Variants in INF2 observed in about 807,000 individuals in gnomAD.
The protein encoded by INF2 is inverted formin 2, also known as inverted formin-2.
A neutral mutation model predicts 123.5 loss-of-function variants in INF2; 43 were observed. The ratio of observed to expected loss-of-function variants is 0.35; its 90% CI spans 0.27 to 0.45. The LOEUF (loss-of-function observed/expected upper bound fraction) is 0.45. INF2 is among the 20% of genes least tolerant of loss of function. The pLI, the probability that INF2 is intolerant of heterozygous loss-of-function variation, is 1.00. For synonymous variants in INF2, 851 were observed against 745.0 expected (o/e 1.14, Z -2.32); for missense variants, 1,453 against 1,682.7 (o/e 0.86, Z 2.39).
At position 104,710,972 on chromosome 14, in the gene INF2, C is replaced by T; in HGVS notation, c.2275C>T (p.Gln759Ter). The change falls in exon 14 of 23, where the codon CAG becomes TAG. Residue 759 changes from glutamine to a stop codon, truncating the protein, a stop_gained. Transcript: ENST00000392634. LOFTEE classifies it high-confidence loss of function. The stretch of plus-strand genomic sequence containing the variant: ...CAGCCGCCAGCTGCCCATCTTCTGC[C>T]AGCTGATCCTGAGAATTGGGAACTT... The part of the protein sequence containing the change: ...LTSRQLPIFC[Q>*]LILRIGNFLN... The T allele has an allele frequency of 6.2e-7, 1 of 1,612,284 alleles. No homozygotes were observed. The highest frequency in any genetic ancestry group is 8.5e-7 in the Non-Finnish European group (1 of 1,179,742).
Position 104,721,476 on chromosome 14 carries a change from T to C in INF2, c.*2683T>C. 1 of 154,678 alleles carries C rather than the reference T, an allele frequency of 6.5e-6. No homozygotes were observed. The highest frequency in any genetic ancestry group is 1.9e-4 in the South Asian group (1 of 5,392). The allele number at this position is 154,678 out of a possible 1,614,324, so 9.6% of individuals were successfully genotyped here. A position where few individuals can be genotyped will look rare whatever the true frequency, so the allele number is the denominator to read the frequency against. Reference sequence around the variant, plus strand: ...GCTGCGAGTTTTCGTTGCTCTGGGGTAGATTCGTAGCGGAGGAACAACTGG... The same window carrying C: ...GCTGCGAGTTTTCGTTGCTCTGGGGCAGATTCGTAGCGGAGGAACAACTGG... On this transcript the variant is annotated 3_prime_UTR_variant, in exon 23 of 23. Transcript: ENST00000392634.
rs866939667 is a variant in INF2, at chr14:104,721,360, G to A, written c.*2567G>A. 10 of 148,440 alleles carry A rather than the reference G, an allele frequency of 6.7e-5. No homozygotes were observed. The South Asian group carries it at 9.3e-4, about 14-fold the overall frequency. 9.2% of individuals were successfully genotyped at this position (148,440 alleles called of 1,614,324 possible). Reference sequence around the variant, plus strand: ...TCCTCGTGTGGATGCTGCTGTGGACGTCTGCGTAGTCTCGTGTGGATGCTG... The same window carrying A: ...TCCTCGTGTGGATGCTGCTGTGGACATCTGCGTAGTCTCGTGTGGATGCTG... On this transcript the variant is annotated 3_prime_UTR_variant, in exon 23 of 23. Coordinates refer to ENST00000392634, the MANE Select transcript of INF2 (RefSeq NM_022489.4).
At chr14:104,689,594 G>T, upstream of INF2, 1 of 251,138 alleles carries the variant, frequency 4.0e-6, no homozygotes, top group Non-Finnish European at 5.5e-6. Context: ...TCTTCCTCCC[G>T]CCCGCCCCGC....
At chr14:104,710,014 C>T in intron 12 of INF2, 74 bp from the exon 13 acceptor site, 2 of 1,277,420 alleles carry the variant, frequency 1.6e-6, no homozygotes, top group Non-Finnish European at 2.2e-6. Context: ...AAGCCAGAGC[C>T]CTGTGCTGAG....
At chr14:104,708,251 T>G (rs1278648446) in intron 8 of INF2, 185 bp from the exon 9 acceptor site, 28 of 889,266 alleles carry the variant, frequency 3.1e-5, no homozygotes, top group Non-Finnish European at 4.7e-5. Context: ...GGTGCCATGG[T>G]GCCCTGGGGC....
In INF2 at chr14:104,694,513, G is replaced by A. The variant is rs376713769; in HGVS notation, c.-10+4774G>A. Among the ~76,000 whole-genome samples the A allele has an allele frequency of 3.3e-4, 50 of 152,342 alleles. 3 individuals carry two copies. Among genetic ancestry groups the A allele is most frequent in the Admixed American group, 2.8e-3 (43 of 15,300 alleles). ...GAGTGGGAAGGCGGGCGGTCAGTGC[G>A]TGGTTATGCACTGGCATTACAGGTG... On this transcript the variant is annotated intron_variant, in intron 1 of 22. Coordinates refer to ENST00000392634, the MANE Select transcript of INF2 (RefSeq NM_022489.4).
At chr14:104,689,609 C>T, upstream of INF2, 1 of 854,186 alleles carries the variant, frequency 1.2e-6, no homozygotes, top group Non-Finnish European at 1.4e-6. Flanking sequence ...CCCCGCCCGC[C>T]CCGCGCCCGC....
At chr14:104,708,180 C>G (rs1889875440) in intron 8 of INF2, 178 bp downstream of exon 8, 1 of 1,064,382 alleles carries the variant, frequency 9.4e-7, no homozygotes, top group Non-Finnish European at 1.4e-6. Context: ...GGGGGAGGAG[C>G]AGGGCAGGGG....
At chr14:104,694,818 T>C (rs756606637) in intron 1 of INF2, among the ~76,000 whole-genome samples, 4 of 152,074 alleles carry the variant, frequency 2.6e-5, no homozygotes, top group African/African-American at 4.8e-5. Flanking sequence ...GCAGGGACCA[T>C]GGAGCCTGGC....
chr14:104,697,418 G>A (rs1595158151), intron 1 of INF2, among the ~76,000 whole-genome samples: 3 of 152,220 alleles, frequency 2.0e-5, no homozygotes, highest in Middle Eastern at 3.2e-3. Context: ...TCCACAGCTC[G>A]GTGCTGGGCC....
intron 1 of INF2, among the ~76,000 whole-genome samples, chr14:104,696,087 C>G (rs1263144003): frequency 6.6e-6 from 1 of 152,198 alleles, no homozygotes; most frequent in Non-Finnish European, 1.5e-5. Context: ...AATCCGTCAC[C>G]ATGCGGCCTG....
chr14:104,692,395 G>A (rs932126435), intron 1 of INF2, among the ~76,000 whole-genome samples: 8 of 152,206 alleles, frequency 5.3e-5, no homozygotes, highest in African/African-American at 1.9e-4. Flanking sequence ...CGCTCAGCAC[G>A]GTGCCAGGCA....
At chr14:104,709,001 C>T (rs1316576939) in intron 10 of INF2, among the ~76,000 whole-genome samples, 1 of 152,220 alleles carries the variant, frequency 6.6e-6, no homozygotes, top group African/African-American at 2.4e-5. Context: ...CCCCCGAGTC[C>T]TTTCCTGCTG....
Position 104,718,792 on chromosome 14 carries a change from C to T in INF2, c.*2-3C>T, listed in dbSNP as rs1890439518. The T allele has an allele frequency of 1.2e-6, 2 of 1,613,036 alleles. No individual in the cohort carries two copies. The highest frequency in any genetic ancestry group is 4.5e-5 in the East Asian group (2 of 44,874). On this transcript the variant is annotated splice_region_variant and splice_polypyrimidine_tract_variant and intron_variant, in intron 22 of 22. Transcript: ENST00000392634. ...ATAATGTCATTTTTTCTCTCTCTTA[C>T]AGGCCTCAGGCCCAGGCCCAAGGCC...
intron 1 of INF2, among the ~76,000 whole-genome samples, chr14:104,698,282 G>C (rs932055310): frequency 1.3e-5 from 2 of 152,228 alleles, no homozygotes; most frequent in African/African-American, 4.8e-5. Flanking sequence ...CCGTGCCCCT[G>C]AGATCAGTAA....
intron 1 of INF2, among the ~76,000 whole-genome samples, chr14:104,691,569 C>T (rs1313815174): frequency 3.9e-5 from 6 of 152,206 alleles, no homozygotes; most frequent in Admixed American, 6.5e-5. Context: ...GGCACACCCA[C>T]CTCTGTTTTC....
rs1407969958 is a variant in INF2 at position 104,714,211 on chromosome 14, A to C, written c.3049A>C (p.Ser1017Arg). The C allele has an allele frequency of 1.3e-6, 2 of 1,532,078 alleles. No homozygotes were observed. The highest frequency in any genetic ancestry group is 1.8e-6 in the Non-Finnish European group (2 of 1,140,724). 94.9% of individuals were successfully genotyped at this position (1,532,078 alleles called of 1,614,324 possible). Residue 1017 changes from serine (S) to arginine (R), a missense_variant, in exon 21 of 23, where the codon AGT becomes CGT. Physicochemically the swap from Ser to Arg is moderately radical, Grantham distance 110. Around this residue, in one of 8 missense-constraint regions of INF2, gnomAD observed 344 missense variants for 333.1 expected, o/e 1.03. Transcript: ENST00000392634. ...PPRATEPVAT[S>R]NPAGDPVGST... ...TGTGTCCCTCCATCCAGTGGCCACC[A>C]GTAACCCTGCAGGAGATCCCGTGGG...
intron 13 of INF2, 31 bp from the exon 14 acceptor site, chr14:104,710,906 A>G (rs768616287): frequency 2.5e-6 from 4 of 1,604,492 alleles, no homozygotes; most frequent in Non-Finnish European, 3.4e-6. Flanking sequence ...CCGAACCAAG[A>G]GCCCCTCTCC....
At chr14:104,717,056 C>T (rs942439397) in intron 22 of INF2, among the ~76,000 whole-genome samples, 3 of 152,250 alleles carry the variant, frequency 2.0e-5, no homozygotes, top group Non-Finnish European at 4.4e-5. Context: ...ATGAACAACA[C>T]CTTCTCCCCG....
Sources: gnomAD v4.1 joint callset for allele counts (sites outside exome capture counted in the v4.1 genomes callset) on GRCh38, gnomAD v4.1.1 for gene constraint, gnomAD v4.1.1 regional missense constraint, MANE v1.5 for transcripts, NCBI Gene and HGNC (gene_info 2026-07-23, HGNC 2026-07-21) for gene names.